The following CSNK2A1 variants were observed in gnomAD, a reference collection of about 807,000 sequenced individuals.
CSNK2A1 encodes casein kinase 2 alpha 1.
A neutral mutation model predicts 62.9 loss-of-function variants in CSNK2A1; 10 were observed. The observed-to-expected ratio is 0.16, with a 90% CI of 0.10 to 0.27. The LOEUF (loss-of-function observed/expected upper bound fraction) is 0.27, where lower values mean the gene tolerates loss of function less well. Among genes scored for constraint, CSNK2A1 ranks in the 10% least tolerant of loss-of-function variants. The pLI, the probability that CSNK2A1 is intolerant of heterozygous loss-of-function variation, is 1.00. For missense variants in CSNK2A1, 160 were observed against 492.0 expected, an observed-to-expected ratio of 0.33 and a Z score of 6.38; for synonymous variants, 124 against 167.8, an observed-to-expected ratio of 0.74 and a Z score of 2.02.
At chr20:532,324 C>T (rs1002879039) in intron 1 of CSNK2A1, among the ~76,000 whole-genome samples, 10 of 145,044 alleles carry the variant, frequency 6.9e-5, no homozygotes, top group East Asian at 4.2e-4. Flanking sequence ...CCACCATGCC[C>T]GGCTAATTTT....
chr20:504,949 G>A (rs2018544442), intron 4 of CSNK2A1, 169 bp downstream of exon 4: 6 of 582,846 alleles, frequency 1.0e-5, no homozygotes, highest in African/African-American at 3.8e-5. Context: ...TCAGTTTCCC[G>A]ATCTGTCAAA....
chr20:509,268 T>A (rs960485203), intron 2 of CSNK2A1, among the ~76,000 whole-genome samples: 2 of 152,228 alleles, frequency 1.3e-5, no homozygotes, highest in African/African-American at 4.8e-5. Flanking sequence ...TCATTAAATT[T>A]AAAAACAGAA....
intron 1 of CSNK2A1, 118 bp downstream of exon 1, chr20:543,554 G>A (rs1046005869): frequency 1.0e-5 from 4 of 396,474 alleles, no homozygotes; most frequent in African/African-American, 6.2e-5. Context: ...GTGGGGGCAG[G>A]GGAAGGCGAC....
rs2017782666 is a variant in CSNK2A1 at position 473,026 on chromosome 20, AAG to A, written c.*10933_*10934del. On this transcript the variant is annotated 3_prime_UTR_variant, in exon 14 of 14. Coordinates refer to ENST00000217244, the MANE Select transcript of CSNK2A1 (RefSeq NM_177559.3). ...TTGTCTCTAAAAAGTAAATAAAAAA[AAG>A]AGTTGGGCTAGGTTTGAGGTTTATT... The A allele has an allele frequency of 6.6e-6, 1 of 152,332 alleles. No individual in the cohort carries two copies. The highest frequency in any genetic ancestry group is 1.5e-5 in the Non-Finnish European group (1 of 68,140). The allele number at this position is 152,332 out of a possible 1,614,324, so 9.4% of individuals were successfully genotyped here.
chr20:484,693 T>TG (rs879822063), intron 13 of CSNK2A1, among the ~76,000 whole-genome samples: 2,104 of 133,740 alleles, frequency 0.016, 50 homozygotes, highest in African/African-American at 0.058. Flanking sequence ...TAATCATGTT[T>TG]TTGTGTGTGT....
At chr20:498,162 T>G (rs2018382975) in intron 6 of CSNK2A1, 1 of 180,292 alleles carries the variant, frequency 5.5e-6, no homozygotes, top group African/African-American at 2.4e-5. Flanking sequence ...ATCTTTGCCT[T>G]ACATAGTTGG....
At chr20:512,191 TTTC>T (rs1170765737) in intron 2 of CSNK2A1, among the ~76,000 whole-genome samples, 1 of 151,862 alleles carries the variant, frequency 6.6e-6, no homozygotes, top group African/African-American at 2.4e-5. Flanking sequence ...ATTTTTTGGT[TTTC>T]TTTTCTTCTT....
chr20:505,296 C>T (rs1158591118), intron 3 of CSNK2A1, 67 bp from the exon 4 acceptor site: 53 of 1,024,190 alleles, frequency 5.2e-5, no homozygotes, highest in Non-Finnish European at 6.7e-5. Flanking sequence ...TTACAGGAAT[C>T]TATTACCAGC....
At chr20:524,582 T>C (rs1260752721) in intron 2 of CSNK2A1, among the ~76,000 whole-genome samples, 1 of 144,468 alleles carries the variant, frequency 6.9e-6, no homozygotes, top group Non-Finnish European at 1.5e-5. Flanking sequence ...ACACAAAAAT[T>C]AGCTGGGTGT....
intron 8 of CSNK2A1, among the ~76,000 whole-genome samples, chr20:493,207 C>T (rs561890208): frequency 8.3e-4 from 126 of 152,258 alleles, no homozygotes; most frequent in African/African-American, 2.5e-3. Flanking sequence ...TCTTGATTCC[C>T]TCAGACCTCA....
At chr20:495,065 T>C (rs1394156126) in intron 8 of CSNK2A1, 2 of 152,198 alleles carry the variant, frequency 1.3e-5, no homozygotes, top group African/African-American at 4.8e-5. Flanking sequence ...AAGCATTTAT[T>C]GTATGTTGAG....
In CSNK2A1 at chr20:484,059, T is replaced by C. The variant is rs577076268; in HGVS notation, c.1078A>G (p.Thr360Ala). 4.4e-6 allele frequency: 7 copies of C among 1,606,830 alleles called. No homozygotes were observed. The African/African-American group carries it at 6.7e-5, about 15-fold the overall frequency. The change falls in exon 14 of 14, where the codon ACC (threonine) becomes GCC (alanine). Residue 360 changes from threonine to alanine, a missense_variant. Thr to Ala is a moderately conservative substitution (Grantham distance 58). Around this residue, in one of 3 missense-constraint regions of CSNK2A1, gnomAD observed 51 missense variants for 108.8 expected, o/e 0.47. Coordinates refer to ENST00000217244, the MANE Select transcript of CSNK2A1 (RefSeq NM_177559.3). ...NMMSGISSVP[T>A]PSPLGPLAGS... Reference sequence around the variant, plus strand: ...GCCAGAGGTCCAAGGGGTGAAGGGGTTGGCACTGAAGAAATCCCTGAAAGA... The same window carrying C: ...GCCAGAGGTCCAAGGGGTGAAGGGGCTGGCACTGAAGAAATCCCTGAAAGA...
chr20:504,978 T>C (rs1036311701), intron 4 of CSNK2A1, 140 bp downstream of exon 4: 7 of 685,642 alleles, frequency 1.0e-5, no homozygotes, highest in East Asian at 5.6e-5. Context: ...ACTTGTTCTA[T>C]TGAGTTCATA....
At position 475,000 on chromosome 20, in the gene CSNK2A1, G is replaced by C. The variant is rs959974067; in HGVS notation, c.*8961C>G. 6.6e-6 allele frequency: 1 copy of C among 152,144 alleles called. No individual in the cohort carries two copies. Among genetic ancestry groups the C allele is most frequent in the African/African-American group, 2.4e-5 (1 of 41,424 alleles). 9.4% of individuals were successfully genotyped at this position (152,144 alleles called of 1,614,324 possible). ...GAAGTGCCCCAAACGTAAATGGAGA[G>C]TTTAACAAATAATTATAGAGCAAAT... is the stretch of plus-strand genomic sequence containing the variant. On this transcript the variant is annotated 3_prime_UTR_variant, in exon 14 of 14. Coordinates refer to ENST00000217244, the MANE Select transcript of CSNK2A1 (RefSeq NM_177559.3).
At chr20:501,371 T>C (rs1283703859) in intron 4 of CSNK2A1, 1 of 152,188 alleles carries the variant, frequency 6.6e-6, no homozygotes, top group Non-Finnish European at 1.5e-5. Flanking sequence ...GCTTATATTA[T>C]AAAGCCTTCT....
chr20:486,689 G>T, intron 12 of CSNK2A1: 1 of 496,356 alleles, frequency 2.0e-6, no homozygotes, highest in Non-Finnish European at 3.6e-6. Context: ...TCAATCAAAT[G>T]GTAGAAAGAT....
rs1312627876 is a variant in CSNK2A1, at chr20:474,592, T to A, written c.*9369A>T. 1 of 152,226 alleles carries A rather than the reference T, an allele frequency of 6.6e-6. No homozygotes were observed. The highest frequency in any genetic ancestry group is 1.5e-5 in the Non-Finnish European group (1 of 68,030). The allele number at this position is 152,226 out of a possible 1,614,324, so 9.4% of individuals were successfully genotyped here. ...GTTTTAAAAGTAAATACTGCTACTATCTTAACAATAATTTAAAAAATCTCA... is the reference window on the plus strand; with the variant it reads ...GTTTTAAAAGTAAATACTGCTACTAACTTAACAATAATTTAAAAAATCTCA... On this transcript the variant is annotated 3_prime_UTR_variant, in exon 14 of 14. Coordinates refer to ENST00000217244, the MANE Select transcript of CSNK2A1 (RefSeq NM_177559.3).
chr20:517,447 G>A (rs1291758269), intron 2 of CSNK2A1, among the ~76,000 whole-genome samples: 2 of 152,162 alleles, frequency 1.3e-5, no homozygotes, highest in Non-Finnish European at 1.5e-5. Context: ...TCTGCCCTCA[G>A]ACAAAGAAAA....
Position 499,108 on chromosome 20 carries a change from A to G in CSNK2A1, c.366+147T>C, listed in dbSNP as rs1459088230. 4 of 524,042 alleles carry G rather than the reference A, an allele frequency of 7.6e-6. No homozygotes were observed. The highest frequency in any genetic ancestry group is 9.5e-6 in the Non-Finnish European group (3 of 317,182). 32.5% of individuals were successfully genotyped at this position (524,042 alleles called of 1,614,324 possible). A position where few individuals can be genotyped will look rare whatever the true frequency, so the allele number is the denominator to read the frequency against. ...TGCAGAAAGTGGGCACTGCTTATATAGGAGTTCTTCTATCTTAAAATTTGC... is the reference window on the plus strand; with the variant it reads ...TGCAGAAAGTGGGCACTGCTTATATGGGAGTTCTTCTATCTTAAAATTTGC... On this transcript the variant is annotated intron_variant, in intron 6 of 13. Transcript: ENST00000217244. This position sits in a 1 kb window ranked among gnomAD's most constrained non-coding sequence, Gnocchi z 4.2.
Sources: allele counts gnomAD v4.1 joint callset (sites outside exome capture counted in the v4.1 genomes callset), GRCh38; gene constraint gnomAD v4.1.1; regional missense constraint gnomAD v4.1.1; non-coding constraint Gnocchi (gnomAD v3.1); transcripts MANE v1.5; gene names NCBI Gene and HGNC (gene_info 2026-07-23, HGNC 2026-07-21).